Variants in RAB27B observed in about 807,000 individuals in gnomAD.
The protein encoded by RAB27B is RAB27B, member RAS oncogene family.
A neutral mutation model predicts 24.6 loss-of-function variants in RAB27B; 15 were observed. The ratio of observed to expected loss-of-function variants is 0.61; its 90% CI spans 0.41 to 0.94. The LOEUF (loss-of-function observed/expected upper bound fraction) is 0.94. Among genes scored for constraint, RAB27B ranks in the 40% least tolerant of loss-of-function variants. RAB27B has a pLI of 0.00. For synonymous variants in RAB27B, 105 were observed against 92.5 expected (o/e 1.14, Z -0.78); for missense variants, 261 against 266.8 (o/e 0.98, Z 0.15).
At chr18:54,742,534 A>G (rs950996931) in intron 2 of RAB27B, among the ~76,000 whole-genome samples, 2 of 152,194 alleles carry the variant, frequency 1.3e-5, no homozygotes, top group African/African-American at 2.4e-5. Context: ...TACATTTGCT[A>G]TGTCTGCAAT....
chr18:54,731,444 G>A (rs1909728675), intron 2 of RAB27B, among the ~76,000 whole-genome samples: 1 of 152,236 alleles, frequency 6.6e-6, no homozygotes, highest in African/African-American at 2.4e-5. Context: ...CAATCTGCCA[G>A]GTGTGGTGGC....
At chr18:54,773,960 G>A (rs1481601671) in intron 2 of RAB27B, among the ~76,000 whole-genome samples, 1 of 152,206 alleles carries the variant, frequency 6.6e-6, no homozygotes, top group East Asian at 1.9e-4. Flanking sequence ...TTACAGGCAT[G>A]AGACATCGCG....
intron 2 of RAB27B, among the ~76,000 whole-genome samples, chr18:54,722,648 C>T (rs116209500): frequency 1.4e-3 from 212 of 152,268 alleles, no homozygotes; most frequent in African/African-American, 4.8e-3. Context: ...TTCATTGATA[C>T]TTGGAGAATT....
chr18:54,796,995 C>G (rs995294756), intron 2 of RAB27B, among the ~76,000 whole-genome samples: 1 of 152,232 alleles, frequency 6.6e-6, no homozygotes, highest in African/African-American at 2.4e-5. Flanking sequence ...CGTCTTTTCT[C>G]CATTTCAGAA....
At chr18:54,830,661 T>C (rs1032185934) in intron 1 of RAB27B, among the ~76,000 whole-genome samples, 6 of 152,192 alleles carry the variant, frequency 3.9e-5, no homozygotes, top group Non-Finnish European at 5.9e-5. Flanking sequence ...GTATATACTA[T>C]AGAAGTAGCA....
chr18:54,889,249 G>A lies in RAB27B; in HGVS notation c.493G>A (p.Ala165Thr). Reference sequence around the variant, plus strand: ...CATACCATATTTTGAAACAAGTGCAGCAACTGGACAGAATGTGGAGAAAGC... The same window carrying A: ...CATACCATATTTTGAAACAAGTGCAACAACTGGACAGAATGTGGAGAAAGC... ...YGIPYFETSAATGQNVEKAVE... is the reference protein window; with the variant it reads ...YGIPYFETSATTGQNVEKAVE... The change falls in exon 6 of 6, where the codon GCA becomes ACA. Residue 165 changes from alanine to threonine, a missense_variant. Coordinates refer to ENST00000262094, the MANE Select transcript of RAB27B (RefSeq NM_004163.4). The A allele has an allele frequency of 1.2e-6, 2 of 1,608,544 alleles. No homozygotes were observed. The highest frequency in any genetic ancestry group is 1.7e-6 in the Non-Finnish European group (2 of 1,177,848).
At chr18:54,755,313 C>G (rs1482922406) in intron 2 of RAB27B, among the ~76,000 whole-genome samples, 3 of 152,100 alleles carry the variant, frequency 2.0e-5, no homozygotes, top group Non-Finnish European at 4.4e-5. Flanking sequence ...TCACTTGGAC[C>G]TGGGAGGCAG....
At chr18:54,869,720 T>G (rs1219967750) in intron 1 of RAB27B, among the ~76,000 whole-genome samples, 1 of 152,232 alleles carries the variant, frequency 6.6e-6, no homozygotes, top group Non-Finnish European at 1.5e-5. Flanking sequence ...GAAATAACAC[T>G]GGTGCTTTGT....
chr18:54,874,657 G>T (rs563897614), intron 1 of RAB27B, among the ~76,000 whole-genome samples: 1 of 151,694 alleles, frequency 6.6e-6, no homozygotes, highest in African/African-American at 2.4e-5. Context: ...TGGGAGCCAC[G>T]AAATCCAATG....
intron 2 of RAB27B, among the ~76,000 whole-genome samples, chr18:54,777,691 A>G (rs1908759924): frequency 6.6e-6 from 1 of 152,226 alleles, no homozygotes; most frequent in African/African-American, 2.4e-5. Flanking sequence ...AACTTTGTTT[A>G]CTACTTGTCT....
At chr18:54,811,382 A>G (rs1286128234) in intron 2 of RAB27B, among the ~76,000 whole-genome samples, 1 of 152,186 alleles carries the variant, frequency 6.6e-6, no homozygotes, top group Non-Finnish European at 1.5e-5. Flanking sequence ...TAAGAAGTAA[A>G]TTGGTTCAGT....
chr18:54,732,818 C>T (rs934067055), intron 2 of RAB27B, among the ~76,000 whole-genome samples: 1 of 152,162 alleles, frequency 6.6e-6, no homozygotes, highest in African/African-American at 2.4e-5. Flanking sequence ...GGACCAACCT[C>T]TATAGGTTAA....
chr18:54,768,213 G>A (rs181136322), intron 2 of RAB27B, among the ~76,000 whole-genome samples: 18 of 152,138 alleles, frequency 1.2e-4, no homozygotes, highest in African/African-American at 4.3e-4. Context: ...TCAAAAAGAG[G>A]GGATTAGAGA....
chr18:54,787,019 A>T (rs1457655701), intron 2 of RAB27B, among the ~76,000 whole-genome samples: 1 of 152,224 alleles, frequency 6.6e-6, no homozygotes, highest in Non-Finnish European at 1.5e-5. Context: ...CATCATGACC[A>T]AGGCAATTTA....
chr18:54,743,081 C>T (rs2145014317), intron 2 of RAB27B, among the ~76,000 whole-genome samples: 1 of 152,302 alleles, frequency 6.6e-6, no homozygotes, highest in Middle Eastern at 3.4e-3. Flanking sequence ...TAATCTCAAG[C>T]ATTCTTGGAC....
At position 54,770,345 on chromosome 18, in the gene RAB27B, C is replaced by T. The variant is rs115772659; in HGVS notation, c.-20+52204C>T. Among the ~76,000 whole-genome samples, 413 of 152,072 alleles carry T rather than the reference C, an allele frequency of 2.7e-3. 2 individuals are homozygous for T. Among genetic ancestry groups the T allele is most frequent in the African/African-American group, 9.4e-3 (388 of 41,476 alleles). On this transcript the variant is annotated intron_variant, in intron 2 of 4. Coordinates refer to the RAB27B transcript ENST00000586570. ...GCTCCACCTCCTGTCTGATTGGCAG[C>T]GGCATTAGATTCTCATAGGATCATG... is the stretch of plus-strand genomic sequence containing the variant.
chr18:54,882,072 C>T (rs1912947696), intron 3 of RAB27B, among the ~76,000 whole-genome samples: 1 of 151,982 alleles, frequency 6.6e-6, no homozygotes, highest in South Asian at 2.1e-4. Context: ...TGTGGGCTTC[C>T]AAGGAATGGT....
chr18:54,767,121 G>A (rs1330426553), intron 2 of RAB27B, among the ~76,000 whole-genome samples: 4 of 152,162 alleles, frequency 2.6e-5, no homozygotes, highest in Non-Finnish European at 5.9e-5. Flanking sequence ...ACCACGCTGG[G>A]AACCAAAGAT....
intron 2 of RAB27B, among the ~76,000 whole-genome samples, chr18:54,752,309 T>C (rs1907858681): frequency 6.6e-6 from 1 of 152,214 alleles, no homozygotes; most frequent in Non-Finnish European, 1.5e-5. Flanking sequence ...TGGAATCATT[T>C]GAGGAGCTTT....
Sources: gnomAD v4.1 joint callset for allele counts (sites outside exome capture counted in the v4.1 genomes callset) on GRCh38, gnomAD v4.1.1 for gene constraint, MANE v1.5 for transcripts, NCBI Gene and HGNC (gene_info 2026-07-23, HGNC 2026-07-21) for gene names.